Variants in TMTC4 observed in about 807,000 individuals in gnomAD.
The protein encoded by TMTC4 is protein O-mannosyl-transferase TMTC4.
TMTC4 carries 65 observed loss-of-function variants against 86.0 expected under a neutral mutation model. The ratio of observed to expected loss-of-function variants is 0.76; its 90% confidence interval spans 0.62 to 0.93. The LOEUF (loss-of-function observed/expected upper bound fraction) is 0.93. TMTC4 is among the 40% of genes least tolerant of loss of function. The pLI, the probability that TMTC4 is intolerant of heterozygous loss-of-function variation, is 0.00. For missense variants in TMTC4, 866 were observed against 948.1 expected (o/e 0.91, Z 1.14); for synonymous variants, 379 against 382.5 (o/e 0.99, Z 0.11).
At chr13:100,630,909 C>T (rs1374900508) in intron 12 of TMTC4, among the ~76,000 whole-genome samples, 1 of 152,288 alleles carries the variant, frequency 6.6e-6, no homozygotes, top group East Asian at 1.9e-4. Flanking sequence ...AGAAGGCAGG[C>T]CATCATTAAG....
At chr13:100,673,080 G>T (rs911845900) in intron 1 of TMTC4, among the ~76,000 whole-genome samples, 2 of 152,184 alleles carry the variant, frequency 1.3e-5, no homozygotes, top group African/African-American at 4.8e-5. Flanking sequence ...CCCCTCAACA[G>T]GGGCTGAATC....
Position 100,642,307 on chromosome 13 carries a change from G to C in TMTC4, c.645C>G (p.Asn215Lys). ...AGGTGGAAGAATGCGCTCCCTCCTT[G>C]TTACCTGCCAATTAAGAGAAATGAT... ...LGYCKAFRES[N>K]KEGAHSSTFW... The change falls in exon 7 of 19, where the codon AAC becomes AAG. Residue 215 changes from asparagine (N) to lysine (K), a missense_variant. Asn to Lys is a moderately conservative substitution (Grantham distance 94, BLOSUM62 0). Coordinates refer to ENST00000342624, the MANE Select transcript of TMTC4 (RefSeq NM_032813.5). The C allele has an allele frequency of 6.2e-7, 1 of 1,614,184 alleles. No individual in the cohort carries two copies. The highest frequency in any genetic ancestry group is 1.1e-5 in the South Asian group (1 of 91,082).
At chr13:100,669,971 T>C (rs1380459617) in intron 2 of TMTC4, among the ~76,000 whole-genome samples, 3 of 152,094 alleles carry the variant, frequency 2.0e-5, no homozygotes, top group Middle Eastern at 3.2e-3. Flanking sequence ...GAGGGTTAAA[T>C]AGGATTCCCA....
intron 7 of TMTC4, among the ~76,000 whole-genome samples, chr13:100,640,320 G>A (rs1342192421): frequency 2.6e-5 from 4 of 152,032 alleles, no homozygotes; most frequent in Non-Finnish European, 4.4e-5. Context: ...AGAACTGTCT[G>A]CTGTAAAACA....
chr13:100,662,868 G>A (rs1410489296), intron 5 of TMTC4, 96 bp downstream of exon 5: 2 of 1,313,694 alleles, frequency 1.5e-6, no homozygotes, highest in Non-Finnish European at 2.2e-6. Context: ...ACCAAGATGG[G>A]TACATAAAGG....
At chr13:100,665,008 T>C (rs1046161160) in intron 3 of TMTC4, among the ~76,000 whole-genome samples, 4 of 152,206 alleles carry the variant, frequency 2.6e-5, no homozygotes, top group Non-Finnish European at 5.9e-5. Context: ...CAGTTAAGTA[T>C]GGATAAACAT....
intron 6 of TMTC4, among the ~76,000 whole-genome samples, chr13:100,652,519 C>T (rs1018041063): frequency 6.6e-6 from 1 of 152,114 alleles, no homozygotes; most frequent in African/African-American, 2.4e-5. Flanking sequence ...TTTAAGATAT[C>T]TCAAACACCA....
chr13:100,656,380 C>G lies in TMTC4; in HGVS notation c.640+1G>C. ...ATTAAGAAGGCAAACAGAATGCTTA[C>G]TTTCTCTAAATGCTTTACAGTAGCC... On this transcript the variant is annotated splice_donor_variant, in intron 6 of 18. Transcript: ENST00000342624. LOFTEE classifies it high-confidence loss of function. The G allele has an allele frequency of 6.2e-7, 1 of 1,610,650 alleles. No individual in the cohort carries two copies. The highest frequency in any genetic ancestry group is 1.1e-5 in the South Asian group (1 of 90,362).
rs1238886920 is a variant in TMTC4, at chr13:100,604,350, A to G, written c.*644T>C. On this transcript the variant is annotated 3_prime_UTR_variant, in exon 19 of 19. Transcript: ENST00000342624. ...ATAATCTCCTGTGTATTGAAATTGC[A>G]CAAGTCAGAGCATCCAAAAACTGCA... 6.6e-6 allele frequency: 1 copy of G among 152,610 alleles called. No individual in the cohort carries two copies. The highest frequency in any genetic ancestry group is 1.5e-5 in the Non-Finnish European group (1 of 68,044). The allele number at this position is 152,610 out of a possible 1,614,324, so 9.5% of individuals were successfully genotyped here.
At chr13:100,606,526 T>G in intron 17 of TMTC4, 99 bp from the exon 18 acceptor site, 1 of 916,782 alleles carries the variant, frequency 1.1e-6, no homozygotes, top group Non-Finnish European at 1.7e-6. Context: ...TTTAACCTCC[T>G]CCTTTTGTAT....
chr13:100,665,315 G>A (rs964085034), intron 3 of TMTC4, among the ~76,000 whole-genome samples: 1 of 152,212 alleles, frequency 6.6e-6, no homozygotes, highest in African/African-American at 2.4e-5. Flanking sequence ...AATTAAACAG[G>A]AGTGTTTTAG....
chr13:100,641,093 C>G (rs1882948245), intron 7 of TMTC4, among the ~76,000 whole-genome samples: 1 of 151,988 alleles, frequency 6.6e-6, no homozygotes, highest in African/African-American at 2.4e-5. Flanking sequence ...CAGTTTTTTT[C>G]CAGGAAAACA....
intron 12 of TMTC4, among the ~76,000 whole-genome samples, chr13:100,627,424 C>A (rs1172560762): frequency 6.6e-6 from 1 of 152,200 alleles, no homozygotes; most frequent in Non-Finnish European, 1.5e-5. Flanking sequence ...GTGGGCAGGG[C>A]TGGTCCCATC....
Position 100,614,426 on chromosome 13 carries a change from G to A in TMTC4, c.1841C>T (p.Ala614Val). 6.2e-7 allele frequency: 1 copy of A among 1,609,136 alleles called. No individual in the cohort carries two copies. Among genetic ancestry groups the A allele is most frequent in the Non-Finnish European group, 8.5e-7 (1 of 1,177,938 alleles). ...DCYYNLGRLY[A>V]DLNRHVDALN... The stretch of plus-strand genomic sequence containing the variant: ...GGCATCCACGTGGCGATTGAGATCT[G>A]CATACTGAAAATAAAACACACCAAA... Residue 614 changes from alanine (A) to valine (V), a missense_variant, in exon 16 of 19, where the codon GCA (alanine) becomes GTA (valine). Transcript: ENST00000342624.
chr13:100,658,209 G>GTGGGT (rs1310363241), intron 5 of TMTC4, among the ~76,000 whole-genome samples: 1 of 152,212 alleles, frequency 6.6e-6, no homozygotes, highest in Non-Finnish European at 1.5e-5. Context: ...CTGGTACAGG[G>GTGGGT]TGGGTGCAGC....
At chr13:100,620,812 TAG>T (rs1338419109) in intron 15 of TMTC4, among the ~76,000 whole-genome samples, 2 of 152,114 alleles carry the variant, frequency 1.3e-5, no homozygotes, top group East Asian at 1.9e-4. Flanking sequence ...CTCCTGTTAC[TAG>T]AGAGTGATTT....
intron 7 of TMTC4, 53 bp from the exon 8 acceptor site, chr13:100,638,075 C>T: frequency 7.2e-7 from 1 of 1,384,718 alleles, no homozygotes; most frequent in Middle Eastern, 1.8e-4. Context: ...CTGTGTTAGG[C>T]AGCAATTACA....
rs1882380584 is a variant in TMTC4 at position 100,637,353 on chromosome 13, A to AC, written c.999+184dup. 2.0e-5 allele frequency among the ~76,000 whole-genome samples: 3 copies of AC among 152,010 alleles called. No homozygotes were observed. The South Asian group carries it at 6.2e-4, about 31-fold the overall frequency. The stretch of plus-strand genomic sequence containing the variant: ...CAAGGAGCTTCTGCATGCCCTTTCA[A>AC]CCCCCTCAGGAAGACCTGCTTTCAT... On this transcript the variant is annotated intron_variant, in intron 9 of 18. Transcript: ENST00000342624.
At chr13:100,648,908 C>A (rs1884082946) in intron 6 of TMTC4, among the ~76,000 whole-genome samples, 1 of 152,068 alleles carries the variant, frequency 6.6e-6, no homozygotes, top group South Asian at 2.1e-4. Context: ...AAGCTGGTCT[C>A]AAACTCTTGT....
Sources: allele counts gnomAD v4.1 joint callset (sites outside exome capture counted in the v4.1 genomes callset), GRCh38; gene constraint gnomAD v4.1.1; transcripts MANE v1.5; gene names NCBI Gene and HGNC (gene_info 2026-07-23, HGNC 2026-07-21).